NSMCE2: variants seen among roughly 807,000 people sequenced by gnomAD.
NSMCE2 encodes the protein E3 SUMO-protein ligase NSE2.
Under a neutral mutation model 23.8 loss-of-function variants are expected in NSMCE2, and 24 were observed. That is an observed-to-expected ratio of 1.01 (90% CI 0.73 to 1.42). NSMCE2 has a LOEUF of 1.42. Ranked by LOEUF, NSMCE2 falls within the 40% of genes most tolerant of loss-of-function variation. The probability of loss-of-function intolerance (pLI) is 0.00; values close to 1 mark genes in which losing one functional copy is unlikely to be tolerated. For synonymous variants in NSMCE2, 92 were observed against 94.1 expected (o/e 0.98, Z 0.13); for missense variants, 284 against 296.5 (o/e 0.96, Z 0.31).
intron 5 of NSMCE2, among the ~76,000 whole-genome samples, chr8:125,264,755 CATTTTCTGGGA>C (rs1826844825): frequency 1.3e-5 from 2 of 152,138 alleles, no homozygotes; most frequent in South Asian, 4.1e-4. Flanking sequence ...TCGCCAGACT[CATTTTCTGGGA>C]GTTTTCTTAT....
chr8:125,347,082 A>ACAGC (rs2131341137), intron 5 of NSMCE2, among the ~76,000 whole-genome samples: 1 of 152,330 alleles, frequency 6.6e-6, no homozygotes, highest in East Asian at 1.9e-4. Context: ...ACAGCTTGCT[A>ACAGC]TTTGCCAGGA....
chr8:125,118,394 A>AAC (rs144897558), intron 3 of NSMCE2, among the ~76,000 whole-genome samples: 8,286 of 151,702 alleles, frequency 0.055, 682 homozygotes, highest in African/African-American at 0.19. Context: ...CAAACAAACA[A>AAC]ACACACACAC....
intron 5 of NSMCE2, among the ~76,000 whole-genome samples, chr8:125,251,071 A>G (rs1321598103): frequency 6.6e-6 from 1 of 152,220 alleles, no homozygotes; most frequent in South Asian, 2.1e-4. Flanking sequence ...TAGGACTGCA[A>G]ATGATCTGAA....
chr8:125,240,347 A>G (rs1028040665), intron 5 of NSMCE2, among the ~76,000 whole-genome samples: 14 of 151,610 alleles, frequency 9.2e-5, no homozygotes, highest in Admixed American at 7.9e-4. Flanking sequence ...CTGGTCTTGA[A>G]CTCCTGACCT....
chr8:125,212,944 A>G (rs1434851988), intron 5 of NSMCE2, among the ~76,000 whole-genome samples: 2 of 152,286 alleles, frequency 1.3e-5, no homozygotes, highest in East Asian at 1.9e-4. Context: ...TCTTTGTCTT[A>G]TATGTTGTAG....
At chr8:125,240,548 C>T (rs1266999346) in intron 5 of NSMCE2, among the ~76,000 whole-genome samples, 2 of 152,134 alleles carry the variant, frequency 1.3e-5, no homozygotes, top group African/African-American at 2.4e-5. Flanking sequence ...TAACTTTTCT[C>T]CTTCTATTCT....
Position 125,210,568 on chromosome 8 carries a change from A to G in NSMCE2, c.418+28312A>G, listed in dbSNP as rs538720982. ...GGAAGTAGCATTCAGCATCTGCACA[A>G]TGTTAGTCTCTTTCTCTTTCTGGTC... On this transcript the variant is annotated intron_variant, in intron 5 of 7. Transcript: ENST00000287437. Among the ~76,000 whole-genome samples the G allele has an allele frequency of 1.8e-4, 27 of 152,282 alleles. No individual in the cohort carries two copies. The South Asian group carries it at 2.1e-3, about 12-fold the overall frequency.
chr8:125,341,897 G>GAAAAAAAAAAAAAAA (rs61204647), intron 5 of NSMCE2, among the ~76,000 whole-genome samples: 1 of 83,242 alleles, frequency 1.2e-5, no homozygotes, highest in Admixed American at 1.5e-4. Flanking sequence ...TCTAGAAATG[G>GAAAAAAAAAAAAAAA]AAAAAAAAAA....
intron 5 of NSMCE2, among the ~76,000 whole-genome samples, chr8:125,350,113 C>G (rs893540064): frequency 6.6e-6 from 1 of 152,162 alleles, no homozygotes; most frequent in Non-Finnish European, 1.5e-5. Flanking sequence ...GGGAAACATC[C>G]GTGAGCAAGA....
intron 7 of NSMCE2, 44 bp downstream of exon 7, chr8:125,357,862 G>T: frequency 7.3e-7 from 1 of 1,363,056 alleles, no homozygotes; most frequent in Non-Finnish European, 1.1e-6. Context: ...CCTAGTGGTA[G>T]TTACTCAGAG....
chr8:125,363,435 G>A (rs748041172), intron 7 of NSMCE2: 2 of 151,868 alleles, frequency 1.3e-5, no homozygotes, highest in African/African-American at 2.4e-5. Flanking sequence ...GAGCCTCAGA[G>A]GCAGAGGTCA....
At chr8:125,252,669 T>C (rs566857949) in intron 5 of NSMCE2, among the ~76,000 whole-genome samples, 58 of 152,384 alleles carry the variant, frequency 3.8e-4, no homozygotes, top group African/African-American at 1.4e-3. Context: ...AAATGGGACA[T>C]CTTATAACTG....
chr8:125,223,859 T>C (rs951398435), intron 5 of NSMCE2, among the ~76,000 whole-genome samples: 3 of 147,874 alleles, frequency 2.0e-5, no homozygotes, highest in Admixed American at 6.8e-5. Context: ...TCACGCAGGC[T>C]GGAGTATAGT....
chr8:125,293,470 C>CCTTTAGCTGATGGGTTAAACACTGAA (rs1554633423), intron 5 of NSMCE2, among the ~76,000 whole-genome samples: 8 of 134,498 alleles, frequency 5.9e-5, no homozygotes, highest in East Asian at 2.3e-4. Flanking sequence ...TATTTACTGA[C>CCTTTAGCTGATGGGTTAAACACTGAA]TCCAGTGGGT....
chr8:125,300,094 C>T (rs1828501168), intron 5 of NSMCE2, among the ~76,000 whole-genome samples: 1 of 151,716 alleles, frequency 6.6e-6, no homozygotes, highest in South Asian at 2.1e-4. Flanking sequence ...GCTGGGATTA[C>T]AGGCATGAGC....
chr8:125,313,406 T>A (rs1378953151), intron 5 of NSMCE2, among the ~76,000 whole-genome samples: 1 of 152,154 alleles, frequency 6.6e-6, no homozygotes, highest in Non-Finnish European at 1.5e-5. Context: ...TTACTGTGTT[T>A]TAGAATTATC....
intron 4 of NSMCE2, among the ~76,000 whole-genome samples, chr8:125,161,634 C>A (rs1821632986): frequency 6.6e-6 from 1 of 151,774 alleles, no homozygotes; most frequent in Admixed American, 6.6e-5. Flanking sequence ...GCCACCTCTA[C>A]TAAAATATAA....
At chr8:125,167,080 A>G (rs1821925740) in intron 4 of NSMCE2, among the ~76,000 whole-genome samples, 1 of 152,154 alleles carries the variant, frequency 6.6e-6, no homozygotes, top group Non-Finnish European at 1.5e-5. Flanking sequence ...ATGTACTCTC[A>G]CACAAAGACT....
intron 5 of NSMCE2, among the ~76,000 whole-genome samples, chr8:125,279,893 G>T (rs1435078338): frequency 2.0e-5 from 3 of 152,184 alleles, no homozygotes. Context: ...GCAGAGGAAT[G>T]ACTTAGTAAC....
Sources: gnomAD v4.1 joint callset for allele counts (sites outside exome capture counted in the v4.1 genomes callset) on GRCh38, gnomAD v4.1.1 for gene constraint, MANE v1.5 for transcripts, NCBI Gene and HGNC (gene_info 2026-07-23, HGNC 2026-07-21) for gene names.